Variants in SSX2IP observed in about 807,000 individuals in gnomAD.
The protein encoded by SSX2IP is SSX family member 2 interacting protein, also known as afadin- and alpha-actinin-binding protein.
SSX2IP carries 55 observed loss-of-function variants against 84.9 expected under a neutral mutation model. That is an observed-to-expected ratio of 0.65 (90% CI 0.52 to 0.81). SSX2IP has a LOEUF of 0.81. SSX2IP is among the 30% of genes least tolerant of loss of function. SSX2IP has a pLI of 0.00. For missense variants in SSX2IP, 664 were observed against 705.2 expected (o/e 0.94, Z 0.66); for synonymous variants, 239 against 234.7 (o/e 1.02, Z -0.17).
chr1:84,682,474 G>A (rs1374710120), intron 1 of SSX2IP, among the ~76,000 whole-genome samples: 2 of 151,068 alleles, frequency 1.3e-5, no homozygotes, highest in Non-Finnish European at 2.9e-5. Flanking sequence ...ACTGAGTACA[G>A]CTATTTATAT....
Position 84,662,068 on chromosome 1 carries a change from G to A in SSX2IP, c.927+130C>T, listed in dbSNP as rs6660887. ...AGTCTTTTCAGTTGTCACAGTAATTGAAAGTAGCATAGCAGTTGAGTGTCC... is the reference window on the plus strand; with the variant it reads ...AGTCTTTTCAGTTGTCACAGTAATTAAAAGTAGCATAGCAGTTGAGTGTCC... On this transcript the variant is annotated intron_variant, in intron 8 of 13. Coordinates refer to ENST00000342203, the MANE Select transcript of SSX2IP (RefSeq NM_001166293.2). The A allele has an allele frequency of 8.5e-4, 521 of 609,960 alleles. 1 individual carries two copies. The highest frequency in any genetic ancestry group is 1.8e-3 in the Admixed American group (63 of 34,916). The allele number at this position is 609,960 out of a possible 1,614,324, so 37.8% of individuals were successfully genotyped here. A position where few individuals can be genotyped will look rare whatever the true frequency, so the allele number is the denominator to read the frequency against.
At chr1:84,682,647 G>T (rs1655239165) in intron 1 of SSX2IP, among the ~76,000 whole-genome samples, 1 of 152,034 alleles carries the variant, frequency 6.6e-6, no homozygotes, top group Middle Eastern at 3.4e-3. Context: ...TGGGACTACA[G>T]GCGCATGCCA....
chr1:84,682,504 CTTTT>C (rs375144986), intron 1 of SSX2IP, among the ~76,000 whole-genome samples: 2 of 140,268 alleles, frequency 1.4e-5, no homozygotes, highest in African/African-American at 2.6e-5. Flanking sequence ...TTTGTCTTCA[CTTTT>C]TTTTTTTTTT....
At chr1:84,686,082 C>A (rs1328003603) in intron 1 of SSX2IP, among the ~76,000 whole-genome samples, 2 of 152,196 alleles carry the variant, frequency 1.3e-5, no homozygotes, top group Non-Finnish European at 2.9e-5. Flanking sequence ...AAAATAAGTT[C>A]TATTTGTAGC....
At chr1:84,676,076 A>G (rs1654288042) in intron 1 of SSX2IP, among the ~76,000 whole-genome samples, 1 of 152,232 alleles carries the variant, frequency 6.6e-6, no homozygotes, top group Non-Finnish European at 1.5e-5. Flanking sequence ...TAAGCTTTCT[A>G]AATTCCAAGA....
chr1:84,670,722 G>C lies in SSX2IP; in HGVS notation c.137C>G (p.Ser46Trp). The C allele has an allele frequency of 6.2e-7, 1 of 1,612,716 alleles. No individual in the cohort carries two copies. The highest frequency in any genetic ancestry group is 8.5e-7 in the Non-Finnish European group (1 of 1,179,080). ...ACTGAAAAAACTGTGCACATTTTTC[G>C]ATAAAGGTATTGAAGAACATAGCAC... is the stretch of plus-strand genomic sequence containing the variant. ...QQVLCSSIPL[S>W]KNVHSFFSAF... The change falls in exon 3 of 14, where the codon TCG (serine) becomes TGG (tryptophan). Residue 46 changes from serine to tryptophan, a missense_variant. Transcript: ENST00000342203.
chr1:84,656,297 A>G, intron 10 of SSX2IP, 51 bp downstream of exon 10: 1 of 1,577,592 alleles, frequency 6.3e-7, no homozygotes, highest in Non-Finnish European at 8.6e-7. Flanking sequence ...AAGGTTCAGC[A>G]CAATTCTGGC....
chr1:84,660,713 T>C (rs1205370270), intron 8 of SSX2IP, among the ~76,000 whole-genome samples: 1 of 150,118 alleles, frequency 6.7e-6, no homozygotes, highest in Non-Finnish European at 1.5e-5. Context: ...TGCAGTGAGG[T>C]GAGATGGTGC....
chr1:84,672,131 T>C (rs1653664433), intron 1 of SSX2IP, among the ~76,000 whole-genome samples: 1 of 152,132 alleles, frequency 6.6e-6, no homozygotes, highest in South Asian at 2.1e-4. Context: ...ATAGAGACAA[T>C]GGAAGAGATA....
chr1:84,664,555 G>A lies in SSX2IP; in HGVS notation c.538-3C>T, dbSNP rs749534238. On this transcript the variant is annotated splice_polypyrimidine_tract_variant and splice_region_variant and intron_variant, in intron 5 of 13. Coordinates refer to ENST00000342203, the MANE Select transcript of SSX2IP (RefSeq NM_001166293.2). Reference sequence around the variant, plus strand: ...ATGATATTTTGTAATTTTTGCACCTGAAAAAGGCATTTGCTATTATAAGCC... The same window carrying A: ...ATGATATTTTGTAATTTTTGCACCTAAAAAAGGCATTTGCTATTATAAGCC... 5 of 1,564,722 alleles carry A rather than the reference G, an allele frequency of 3.2e-6. No individual in the cohort carries two copies. In the South Asian group the frequency reaches 6.1e-5, roughly 19 times the overall value.
intron 1 of SSX2IP, among the ~76,000 whole-genome samples, chr1:84,683,450 T>C (rs1655363372): frequency 6.6e-6 from 1 of 152,102 alleles, no homozygotes; most frequent in South Asian, 2.1e-4. Flanking sequence ...ACCTAGCAAA[T>C]ATATTGCCAG....
chr1:84,662,113 G>T, intron 8 of SSX2IP, 85 bp downstream of exon 8: 1 of 841,500 alleles, frequency 1.2e-6, no homozygotes, highest in Non-Finnish European at 1.9e-6. Context: ...TACCAATAGT[G>T]TCCCCATTGA....
intron 1 of SSX2IP, among the ~76,000 whole-genome samples, chr1:84,678,248 T>C (rs1654639478): frequency 6.6e-6 from 1 of 152,226 alleles, no homozygotes; most frequent in Non-Finnish European, 1.5e-5. Flanking sequence ...TGTCTGCATC[T>C]TTGCAGCCAA....
At chr1:84,672,013 G>GT (rs1337281541) in intron 1 of SSX2IP, among the ~76,000 whole-genome samples, 6 of 152,204 alleles carry the variant, frequency 3.9e-5, no homozygotes, top group South Asian at 2.1e-4. Flanking sequence ...GCATTTAAAC[G>GT]TAACTGTGTG....
chr1:84,671,121 G>T (rs748087525), intron 2 of SSX2IP, 56 bp downstream of exon 2: 3 of 1,569,706 alleles, frequency 1.9e-6, no homozygotes, highest in Non-Finnish European at 2.6e-6. Flanking sequence ...TATTTTCATT[G>T]AAAAATTCAC....
At chr1:84,668,924 T>C (rs1653127149) in intron 4 of SSX2IP, among the ~76,000 whole-genome samples, 2 of 152,086 alleles carry the variant, frequency 1.3e-5, no homozygotes, top group South Asian at 2.1e-4. Context: ...AAACCCAATA[T>C]AGAATTGTAT....
At chr1:84,666,376 A>G (rs1257283243) in intron 4 of SSX2IP, 144 bp from the exon 5 acceptor site, 4 of 632,118 alleles carry the variant, frequency 6.3e-6, no homozygotes, top group South Asian at 1.9e-5. Context: ...ATGTTTATTT[A>G]AAGGAATTAT....
chr1:84,674,672 A>G (rs1260910887), intron 1 of SSX2IP, among the ~76,000 whole-genome samples: 2 of 152,200 alleles, frequency 1.3e-5, no homozygotes, highest in African/African-American at 4.8e-5. Context: ...TCTCCTGTCT[A>G]TAGATTAGAC....
At chr1:84,680,018 C>CT (rs1654864795) in intron 1 of SSX2IP, among the ~76,000 whole-genome samples, 1 of 152,156 alleles carries the variant, frequency 6.6e-6, no homozygotes, top group African/African-American at 2.4e-5. Flanking sequence ...ACGACTACTC[C>CT]TTTAAGAACC....
Sources: allele counts gnomAD v4.1 joint callset (sites outside exome capture counted in the v4.1 genomes callset), GRCh38; gene constraint gnomAD v4.1.1; transcripts MANE v1.5; gene names NCBI Gene and HGNC (gene_info 2026-07-23, HGNC 2026-07-21).